The following COX6C variants were observed in gnomAD, a reference collection of about 807,000 sequenced individuals.
The protein encoded by COX6C is cytochrome c oxidase subunit 6C.
In COX6C, 3 loss-of-function variants were observed where a neutral mutation model predicts 6.9. The observed-to-expected ratio is 0.43, with a 90% confidence interval of 0.20 to 1.12. The LOEUF is 1.12. Among genes scored for constraint, COX6C ranks in the 50% most tolerant of loss-of-function variants. The probability of loss-of-function intolerance (pLI) is 0.27; values close to 1 mark genes in which losing one functional copy is unlikely to be tolerated. For synonymous variants in COX6C, 32 were observed against 32.0 expected, an observed-to-expected ratio of 1.00 and a Z score of 0.00; for missense variants, 101 against 97.3, an observed-to-expected ratio of 1.04 and a Z score of -0.16.
chr8:99,883,393 C>G (rs912023484), intron 3 of COX6C, among the ~76,000 whole-genome samples: 64 of 149,296 alleles, frequency 4.3e-4, no homozygotes, highest in Admixed American at 1.2e-3. Flanking sequence ...ATATATATAT[C>G]TGTGTGTGTG....
intron 3 of COX6C, chr8:99,878,855 A>G (rs916601465): frequency 6.6e-5 from 10 of 152,294 alleles, no homozygotes; most frequent in Middle Eastern, 3.4e-3. Context: ...CATGGTACCC[A>G]ACTTATGATG....
intron 1 of COX6C, among the ~76,000 whole-genome samples, chr8:99,892,703 G>A (rs1818074242): frequency 6.7e-6 from 1 of 148,870 alleles, no homozygotes; most frequent in South Asian, 2.1e-4. Flanking sequence ...TATACTGAGC[G>A]ACCACCCTAA....
chr8:99,883,471 A>ATTTTT (rs71274942), intron 3 of COX6C, among the ~76,000 whole-genome samples: 22 of 137,734 alleles, frequency 1.6e-4, no homozygotes, highest in African/African-American at 4.0e-4. Context: ...ATATATATAT[A>ATTTTT]TTTTTTTTTT....
At chr8:99,892,410 AG>A (rs2131013055) in intron 1 of COX6C, among the ~76,000 whole-genome samples, 1 of 152,286 alleles carries the variant, frequency 6.6e-6, no homozygotes, top group East Asian at 1.9e-4. Context: ...TCACAAATTC[AG>A]GAATAAGATT....
At chr8:99,888,189 T>C (rs1817973531) in intron 2 of COX6C, among the ~76,000 whole-genome samples, 1 of 151,994 alleles carries the variant, frequency 6.6e-6, no homozygotes, top group Non-Finnish European at 1.5e-5. Context: ...ATCATGCTAC[T>C]TGATGGAGTA....
rs748343632 is a variant in COX6C, at chr8:99,892,012, C to A, written c.10G>T (p.Glu4Ter). The part of the protein sequence containing the change: MAP[E>*]VLPKPRMRGL... ...CGCATCCGAGGTTTTGGCAAAACTT[C>A]GGGAGCCATGGTAGTTACTGTCCTT... Residue 4 changes from glutamate (E) to a stop codon, truncating the protein, a stop_gained, in exon 2 of 4, where the codon GAA becomes TAA. Transcript: ENST00000520468. LOFTEE classifies it high-confidence loss of function. 1.2e-6 allele frequency: 2 copies of A among 1,611,888 alleles called. No individual in the cohort carries two copies. The highest frequency in any genetic ancestry group is 1.6e-4 in the Middle Eastern group (1 of 6,074).
intron 3 of COX6C, among the ~76,000 whole-genome samples, chr8:99,879,951 A>G (rs964512397): frequency 6.6e-6 from 1 of 152,198 alleles, no homozygotes; most frequent in Admixed American, 6.6e-5. Context: ...ATCAGAGACA[A>G]AAGAATAACA....
At chr8:99,888,083 T>C (rs1817970904) in intron 2 of COX6C, among the ~76,000 whole-genome samples, 1 of 145,204 alleles carries the variant, frequency 6.9e-6, no homozygotes, top group South Asian at 2.2e-4. Flanking sequence ...AGAGCGAGAC[T>C]CTGTCTCAAA....
rs556707189 is a variant in COX6C, at chr8:99,878,236, A to C, written c.*45T>G. The C allele has an allele frequency of 4.6e-5, 7 of 152,366 alleles. No individual in the cohort carries two copies. The South Asian group carries it at 1.4e-3, about 32-fold the overall frequency. The allele number at this position is 152,366 out of a possible 1,614,324, so 9.4% of individuals were successfully genotyped here. A position where few individuals can be genotyped will look rare whatever the true frequency, so the allele number is the denominator to read the frequency against. On this transcript the variant is annotated 3_prime_UTR_variant, in exon 4 of 4. Coordinates refer to ENST00000520468, the MANE Select transcript of COX6C (RefSeq NM_004374.4). The stretch of plus-strand genomic sequence containing the variant: ...AGTTCAGGAACACAAGTCAGTGACA[A>C]ACTTCTAGGTAATTCAACCTGAAGA...
At chr8:99,891,876 G>A in intron 2 of COX6C, 32 bp downstream of exon 2, 1 of 1,588,276 alleles carries the variant, frequency 6.3e-7, no homozygotes, top group Non-Finnish European at 8.6e-7. Context: ...CATACTTTAT[G>A]ACCTTCGGCA....
At chr8:99,881,231 G>A (rs1481927006) in intron 3 of COX6C, among the ~76,000 whole-genome samples, 1 of 152,000 alleles carries the variant, frequency 6.6e-6, no homozygotes, top group Non-Finnish European at 1.5e-5. Context: ...ACAGTGGGGT[G>A]CATCTGTAAT....
At chr8:99,882,761 G>A (rs1588826529) in intron 3 of COX6C, among the ~76,000 whole-genome samples, 1 of 151,476 alleles carries the variant, frequency 6.6e-6, no homozygotes, top group Middle Eastern at 3.4e-3. Flanking sequence ...AAACAAACTG[G>A]ATGACCTAAT....
intron 2 of COX6C, among the ~76,000 whole-genome samples, chr8:99,889,407 C>CA (rs1171640472): frequency 1.4e-5 from 2 of 141,908 alleles, no homozygotes; most frequent in Non-Finnish European, 3.0e-5. Context: ...TTTTTTGAGA[C>CA]AGAGTCTCGC....
chr8:99,883,433 A>ATG (rs1272786254), intron 3 of COX6C, among the ~76,000 whole-genome samples: 2,148 of 145,660 alleles, frequency 0.015, 19 homozygotes, highest in Non-Finnish European at 0.018. Context: ...GTATATATGT[A>ATG]TGTGTGTGTG....
chr8:99,889,767 C>A (rs1818005667), intron 2 of COX6C, among the ~76,000 whole-genome samples: 1 of 152,038 alleles, frequency 6.6e-6, no homozygotes. Flanking sequence ...GTAGCTAGGG[C>A]CACAGGCACA....
At chr8:99,887,457 T>G in intron 3 of COX6C, 33 bp downstream of exon 3, 1 of 1,329,932 alleles carries the variant, frequency 7.5e-7, no homozygotes, top group East Asian at 2.5e-5. Flanking sequence ...AATTAGAAAT[T>G]TTTTTTTAAG....
intron 3 of COX6C, chr8:99,887,239 T>C (rs1249694961): frequency 6.9e-6 from 2 of 288,818 alleles, no homozygotes; most frequent in Non-Finnish European, 1.3e-5. Flanking sequence ...TGTTTACCCT[T>C]GTGATTATGT....
chr8:99,892,425 G>C (rs34029308), intron 1 of COX6C, among the ~76,000 whole-genome samples: 19,008 of 152,170 alleles, frequency 0.12, 1,244 homozygotes, highest in Non-Finnish European at 0.14. Context: ...TAAGATTTGG[G>C]TTGAGACATG....
intron 3 of COX6C, among the ~76,000 whole-genome samples, chr8:99,879,399 T>C (rs940552134): frequency 1.3e-5 from 2 of 152,188 alleles, no homozygotes; most frequent in African/African-American, 4.8e-5. Context: ...AAGTGTAACA[T>C]TCGTAATGCC....
Sources: gnomAD v4.1 joint callset for allele counts (sites outside exome capture counted in the v4.1 genomes callset) on GRCh38, gnomAD v4.1.1 for gene constraint, MANE v1.5 for transcripts, NCBI Gene and HGNC (gene_info 2026-07-23, HGNC 2026-07-21) for gene names.